PPARGC1A: variants seen among roughly 807,000 people sequenced by gnomAD.
The protein encoded by PPARGC1A is peroxisome proliferator-activated receptor gamma coactivator 1-alpha.
A neutral mutation model predicts 88.7 loss-of-function variants in PPARGC1A; 25 were observed. The ratio of observed to expected loss-of-function variants is 0.28; its 90% CI spans 0.21 to 0.39. The LOEUF is 0.39. Among genes scored for constraint, PPARGC1A ranks in the 10% least tolerant of loss-of-function variants. PPARGC1A has a pLI of 1.00. For synonymous variants in PPARGC1A, 363 were observed against 355.6 expected (o/e 1.02, Z -0.24); for missense variants, 880 against 968.7 (o/e 0.91, Z 1.22).
At chr4:23,829,957 GT>G (rs1430945503) in intron 3 of PPARGC1A, among the ~76,000 whole-genome samples, 2 of 152,082 alleles carry the variant, frequency 1.3e-5, no homozygotes, top group Non-Finnish European at 2.9e-5. Context: ...ACTTGGTGTT[GT>G]CTACATATTT....
the PPARGC1A span, among the ~76,000 whole-genome samples, chr4:23,950,374 C>T: frequency 6.6e-6 from 1 of 152,092 alleles, no homozygotes; most frequent in African/African-American, 2.4e-5. Flanking sequence ...AAAGGTACAT[C>T]ATTTGCCCAA....
At chr4:23,990,024 A>G in the PPARGC1A span, among the ~76,000 whole-genome samples, 3 of 146,508 alleles carry the variant, frequency 2.0e-5, no homozygotes, top group African/African-American at 7.5e-5. Flanking sequence ...ATATATAGAT[A>G]TGTATATCTA....
chr4:24,334,809 T>C, the PPARGC1A span, among the ~76,000 whole-genome samples: 3 of 152,138 alleles, frequency 2.0e-5, no homozygotes, highest in Non-Finnish European at 4.4e-5. Context: ...TGATACATAG[T>C]TATGTTGGAG....
chr4:24,154,606 C>T, the PPARGC1A span, among the ~76,000 whole-genome samples: 3 of 152,120 alleles, frequency 2.0e-5, no homozygotes, highest in East Asian at 1.9e-4. Context: ...CCACTGACTT[C>T]GAGTCAGGTG....
chr4:23,974,506 C>T, the PPARGC1A span, among the ~76,000 whole-genome samples: 1 of 152,146 alleles, frequency 6.6e-6, no homozygotes, highest in African/African-American at 2.4e-5. Flanking sequence ...AACGTGGTTG[C>T]CATTATTTCC....
chr4:24,038,950 C>G, the PPARGC1A span, among the ~76,000 whole-genome samples: 2 of 152,148 alleles, frequency 1.3e-5, no homozygotes, highest in Non-Finnish European at 2.9e-5. Context: ...CAGAGGTTTA[C>G]AAGCTAAGAG....
the PPARGC1A span, among the ~76,000 whole-genome samples, chr4:23,960,320 G>A: frequency 2.6e-5 from 4 of 152,086 alleles, no homozygotes; most frequent in African/African-American, 9.7e-5. Flanking sequence ...AGTAGGTGGA[G>A]GCCAGGGATG....
the PPARGC1A span, among the ~76,000 whole-genome samples, chr4:24,178,375 T>C: frequency 6.6e-6 from 1 of 152,204 alleles, no homozygotes; most frequent in Non-Finnish European, 1.5e-5. Flanking sequence ...CATATGGCGA[T>C]TGGTATTTTT....
the PPARGC1A span, among the ~76,000 whole-genome samples, chr4:24,092,548 A>G: frequency 6.6e-6 from 1 of 152,136 alleles, no homozygotes; most frequent in South Asian, 2.1e-4. Flanking sequence ...TGATACCTGA[A>G]TCCACATGGC....
At chr4:24,204,863 A>T in the PPARGC1A span, among the ~76,000 whole-genome samples, 1 of 152,066 alleles carries the variant, frequency 6.6e-6, no homozygotes, top group Non-Finnish European at 1.5e-5. Flanking sequence ...TCACTCTGTC[A>T]CCCAGGCTGG....
chr4:23,879,766 C>T (rs986999016), intron 2 of PPARGC1A, among the ~76,000 whole-genome samples: 3 of 152,160 alleles, frequency 2.0e-5, no homozygotes, highest in South Asian at 2.1e-4. Flanking sequence ...TAAATACCAC[C>T]TCCATTATGT....
chr4:24,221,796 A>G, the PPARGC1A span, among the ~76,000 whole-genome samples: 2 of 110,146 alleles, frequency 1.8e-5, no homozygotes, highest in African/African-American at 5.6e-5. Context: ...AATTTTCAAA[A>G]GCTTGACAAT....
chr4:24,293,671 T>C, the PPARGC1A span, among the ~76,000 whole-genome samples: 2 of 129,082 alleles, frequency 1.5e-5, no homozygotes, highest in African/African-American at 5.8e-5. Flanking sequence ...CATTTTCACA[T>C]CAAAGCCCAG....
the PPARGC1A span, among the ~76,000 whole-genome samples, chr4:24,027,249 G>GCA: frequency 6.7e-6 from 1 of 149,396 alleles, no homozygotes; most frequent in African/African-American, 2.5e-5. Context: ...GTGTGTGTGC[G>GCA]TGCATATTTT....
chr4:23,967,736 C>A, the PPARGC1A span, among the ~76,000 whole-genome samples: 1 of 151,992 alleles, frequency 6.6e-6, no homozygotes, highest in East Asian at 1.9e-4. Flanking sequence ...TTCCTCCATC[C>A]TCCTTTCTTT....
At chr4:23,981,032 C>T in the PPARGC1A span, among the ~76,000 whole-genome samples, 2 of 151,982 alleles carry the variant, frequency 1.3e-5, no homozygotes, top group Non-Finnish European at 2.9e-5. Flanking sequence ...TCTCCCTTGT[C>T]TCTGAACTCC....
intron 4 of PPARGC1A, among the ~76,000 whole-genome samples, 156 bp from the exon 5 acceptor site, chr4:23,828,760 GAAAATTACATTT>G (rs1171839540): frequency 2.0e-5 from 3 of 152,092 alleles, no homozygotes; most frequent in African/African-American, 7.2e-5. Context: ...AACAAGGAAA[GAAAATTACATTT>G]AAAATTCCTA....
chr4:24,291,574 GA>G, the PPARGC1A span, among the ~76,000 whole-genome samples: 6 of 152,108 alleles, frequency 3.9e-5, no homozygotes, highest in Non-Finnish European at 8.8e-5. Flanking sequence ...TCAAGTATGG[GA>G]ACACTGAGGC....
chr4:23,999,653 T>C, the PPARGC1A span, among the ~76,000 whole-genome samples: 1 of 152,278 alleles, frequency 6.6e-6, no homozygotes, highest in East Asian at 1.9e-4. Flanking sequence ...CATTGGCAGG[T>C]AACGAGAGGA....
Sources: gnomAD v4.1 joint callset for allele counts (sites outside exome capture counted in the v4.1 genomes callset) on GRCh38, gnomAD v4.1.1 for gene constraint, MANE v1.5 for transcripts, NCBI Gene and HGNC (gene_info 2026-07-23, HGNC 2026-07-21) for gene names.